The following CIT variants were observed in gnomAD, a reference collection of about 807,000 sequenced individuals.
CIT encodes the protein citron Rho-interacting kinase.
Under a neutral mutation model 272.7 loss-of-function variants are expected in CIT, and 79 were observed. The observed-to-expected ratio is 0.29, with a 90% CI of 0.24 to 0.35. The LOEUF (loss-of-function observed/expected upper bound fraction) is 0.35, where lower values mean the gene tolerates loss of function less well. CIT is among the 10% of genes least tolerant of loss of function. The pLI is 1.00. For synonymous variants in CIT, 948 were observed against 995.6 expected (o/e 0.95, Z 0.90); for missense variants, 1,909 against 2,618.3 (o/e 0.73, Z 5.91).
intron 5 of CIT, among the ~76,000 whole-genome samples, chr12:119,841,959 A>G (rs1351031659): frequency 1.3e-5 from 2 of 152,206 alleles, no homozygotes; most frequent in African/African-American, 4.8e-5. Flanking sequence ...AACCAGGGAA[A>G]AACATTTGGA....
chr12:119,721,560 T>G, intron 28 of CIT, 111 bp from the exon 29 acceptor site: 1 of 1,019,036 alleles, frequency 9.8e-7, no homozygotes, highest in South Asian at 2.2e-5. Flanking sequence ...AGTACAGCTT[T>G]TGAAATCATC....
intron 23 of CIT, among the ~76,000 whole-genome samples, chr12:119,750,040 A>G (rs1374831282): frequency 2.6e-5 from 4 of 152,194 alleles, no homozygotes; most frequent in African/African-American, 9.7e-5. Context: ...TTACAGACCA[A>G]TCCCCTGGGG....
intron 25 of CIT, 121 bp from the exon 26 acceptor site, chr12:119,734,478 T>G: frequency 1.9e-6 from 2 of 1,073,490 alleles, no homozygotes; most frequent in Non-Finnish European, 2.7e-6. Flanking sequence ...ATGCGGTTTG[T>G]CTTTTGCTTC....
rs1269132644 is a variant in CIT at position 119,770,864 on chromosome 12, A to G, written c.2129T>C (p.Met710Thr). ...CTTCAGTCTGTTTTCTCTACGCTCC[A>G]TGGTCTCTAGTCTCTTTACCTTGTT... ...LENKVKRLETMERRENRLKDD... is the reference protein window; with the variant it reads ...LENKVKRLETTERRENRLKDD... The change falls in exon 18 of 48, where the codon ATG (methionine) becomes ACG (threonine). Residue 710 changes from methionine (M) to threonine (T), a missense_variant. Around this residue, in one of 8 missense-constraint regions of CIT, gnomAD observed 530 missense variants for 822.4 expected, o/e 0.64. Transcript: ENST00000392521. The surrounding 1 kb of genome is among the most constrained non-coding windows in gnomAD (Gnocchi z 4.4). 8 of 1,612,868 alleles carry G rather than the reference A, an allele frequency of 5.0e-6. No individual in the cohort carries two copies. Among genetic ancestry groups the G allele is most frequent in the Non-Finnish European group, 6.8e-6 (8 of 1,179,882 alleles).
At chr12:119,723,401 A>T (rs944313886) in intron 28 of CIT, among the ~76,000 whole-genome samples, 5 of 150,684 alleles carry the variant, frequency 3.3e-5, no homozygotes, top group Non-Finnish European at 5.9e-5. Flanking sequence ...ATACATTAAA[A>T]AAAAAAAAAA....
chr12:119,713,912 T>G lies in CIT; in HGVS notation c.4307-264A>C. The stretch of plus-strand genomic sequence containing the variant: ...GTGTGTAAAGAACACGTTTGCATGT[T>G]TCAGTTGGAGTCAGCGGAAAGGTAG... On this transcript the variant is annotated intron_variant, in intron 33 of 47. Coordinates refer to ENST00000392521, the MANE Select transcript of CIT (RefSeq NM_001206999.2). This position sits in a 1 kb window ranked among gnomAD's most constrained non-coding sequence, Gnocchi z 5.2. The G allele has an allele frequency of 1.7e-6, 1 of 605,848 alleles. No homozygotes were observed. Among genetic ancestry groups the G allele is most frequent in the South Asian group, 2.0e-5 (1 of 49,540 alleles). 37.5% of individuals were successfully genotyped at this position (605,848 alleles called of 1,614,324 possible).
intron 28 of CIT, among the ~76,000 whole-genome samples, chr12:119,723,299 T>C (rs774441774): frequency 1.3e-5 from 2 of 151,394 alleles, no homozygotes; most frequent in Non-Finnish European, 2.9e-5. Context: ...GGGACGAGAA[T>C]CTGTTTGGTG....
At chr12:119,758,116 G>A (rs1413281912) in intron 21 of CIT, among the ~76,000 whole-genome samples, 2 of 152,060 alleles carry the variant, frequency 1.3e-5, no homozygotes, top group African/African-American at 4.8e-5. Context: ...AAACCTAAGG[G>A]GGAAAAAAAT....
rs370952157 is a variant in CIT, at chr12:119,713,168, C to T, written c.4579+35G>A. On this transcript the variant is annotated intron_variant, in intron 35 of 47. Coordinates refer to ENST00000392521, the MANE Select transcript of CIT (RefSeq NM_001206999.2). The surrounding 1 kb of genome is among the most constrained non-coding windows in gnomAD (Gnocchi z 5.2). The stretch of plus-strand genomic sequence containing the variant: ...GCACTGGGGAGACCTGGGTTAGCCA[C>T]GTGCAATGACCTTCCCCCTGAATTA... The T allele has an allele frequency of 4.3e-4, 670 of 1,548,202 alleles. 6 individuals carry two copies. Among genetic ancestry groups the T allele is most frequent in the African/African-American group, 1.2e-4 (9 of 73,472 alleles).
chr12:119,832,676 T>C (rs1968723796), intron 7 of CIT, 95 bp downstream of exon 7: 1 of 1,017,408 alleles, frequency 9.8e-7, no homozygotes, highest in African/African-American at 1.6e-5. Context: ...TCCAAAACAT[T>C]GTTCACCATT....
intron 7 of CIT, among the ~76,000 whole-genome samples, chr12:119,831,104 C>T (rs962512004): frequency 6.6e-6 from 1 of 152,138 alleles, no homozygotes; most frequent in Non-Finnish European, 1.5e-5. Context: ...GCAATCCTCC[C>T]GCCTCGACCT....
At chr12:119,722,634 T>C (rs1471628344) in intron 28 of CIT, among the ~76,000 whole-genome samples, 1 of 152,244 alleles carries the variant, frequency 6.6e-6, no homozygotes, top group African/African-American at 2.4e-5. Flanking sequence ...TTTACACTTA[T>C]CATATCACTG....
intron 19 of CIT, 85 bp from the exon 20 acceptor site, chr12:119,761,140 G>A: frequency 9.6e-7 from 1 of 1,045,478 alleles, no homozygotes; most frequent in Non-Finnish European, 1.5e-6. Context: ...GAAAATCTAG[G>A]AAAGAGGAGA....
At chr12:119,875,200 A>G (rs1183128005) in intron 2 of CIT, among the ~76,000 whole-genome samples, 2 of 151,742 alleles carry the variant, frequency 1.3e-5, no homozygotes, top group Non-Finnish European at 2.9e-5. Flanking sequence ...CTACTCAGGA[A>G]GCTGAAGTGG....
chr12:119,742,866 G>GAC (rs56003708), intron 23 of CIT: 66,618 of 151,558 alleles, frequency 0.44, 14,659 homozygotes, highest in Admixed American at 0.52. Flanking sequence ...CCTACTCCCT[G>GAC]ACACACACAC....
chr12:119,796,900 G>A (rs1053022425), intron 10 of CIT, among the ~76,000 whole-genome samples: 1 of 152,248 alleles, frequency 6.6e-6, no homozygotes, highest in African/African-American at 2.4e-5. Flanking sequence ...ATGGTATCAC[G>A]TGGTGAGATG....
chr12:119,701,483 T>C, intron 43 of CIT, 141 bp downstream of exon 43: 1 of 905,292 alleles, frequency 1.1e-6, no homozygotes, highest in Non-Finnish European at 1.6e-6. Flanking sequence ...CCAAGGGGAC[T>C]TGGTGGTGCT....
In CIT at chr12:119,712,884, T is replaced by C. The variant is rs1957241422; in HGVS notation, c.4580-189A>G. ...AGAGGGAAGATAAAAAAAAATAAAG[T>C]GTGTCAGATGAGTAGCACAGTCAAA... On this transcript the variant is annotated intron_variant, in intron 35 of 47. Coordinates refer to ENST00000392521, the MANE Select transcript of CIT (RefSeq NM_001206999.2). The surrounding 1 kb of genome is among the most constrained non-coding windows in gnomAD (Gnocchi z 5.2). The C allele has an allele frequency of 8.5e-6, 5 of 585,796 alleles. No individual in the cohort carries two copies. Among genetic ancestry groups the C allele is most frequent in the Admixed American group, 3.1e-5 (1 of 32,104 alleles). The allele number at this position is 585,796 out of a possible 1,614,324, so 36.3% of individuals were successfully genotyped here. A position where few individuals can be genotyped will look rare whatever the true frequency, so the allele number is the denominator to read the frequency against.
intron 7 of CIT, among the ~76,000 whole-genome samples, chr12:119,831,042 T>A (rs568416975): frequency 6.6e-6 from 1 of 152,138 alleles, no homozygotes; most frequent in Non-Finnish European, 1.5e-5. Flanking sequence ...ATTTTTTGAT[T>A]TTTTGTAGAG....
Sources: gnomAD v4.1 joint callset for allele counts (sites outside exome capture counted in the v4.1 genomes callset) on GRCh38, gnomAD v4.1.1 for gene constraint, gnomAD v4.1.1 regional missense constraint, Gnocchi (gnomAD v3.1) non-coding constraint, MANE v1.5 for transcripts, NCBI Gene and HGNC (gene_info 2026-07-23, HGNC 2026-07-21) for gene names.